The following RBMS3 variants were observed in gnomAD, a reference collection of about 807,000 sequenced individuals.
RBMS3 encodes RNA-binding motif, single-stranded-interacting protein 3.
Under a neutral mutation model 66.8 loss-of-function variants are expected in RBMS3, and 27 were observed. That is an observed-to-expected ratio of 0.40 (90% CI 0.30 to 0.56). RBMS3 has a LOEUF of 0.56. Among genes scored for constraint, RBMS3 ranks in the 20% least tolerant of loss-of-function variants. RBMS3 has a pLI of 0.40. For missense variants in RBMS3, 513 were observed against 549.5 expected, an observed-to-expected ratio of 0.93 and a Z score of 0.66; for synonymous variants, 188 against 183.0, an observed-to-expected ratio of 1.03 and a Z score of -0.22.
chr3:29,601,076 T>A (rs564049710), intron 4 of RBMS3, among the ~76,000 whole-genome samples: 3 of 152,004 alleles, frequency 2.0e-5, no homozygotes, highest in Admixed American at 1.3e-4. Context: ...ATCAGCCTCT[T>A]TAATTAGGTA....
At chr3:29,798,938 T>A (rs1388464383) in intron 6 of RBMS3, among the ~76,000 whole-genome samples, 1 of 151,650 alleles carries the variant, frequency 6.6e-6, no homozygotes, top group African/African-American at 2.4e-5. Flanking sequence ...GGTTTTTTTT[T>A]TTTTTTTTTT....
Position 29,507,938 on chromosome 3 carries a change from T to G in RBMS3, c.307+19439T>G, listed in dbSNP as rs985096453. Among the ~76,000 whole-genome samples the G allele has an allele frequency of 2.1e-4, 32 of 152,114 alleles. 1 individual carries two copies. The highest frequency in any genetic ancestry group is 1.5e-5 in the Non-Finnish European group (1 of 68,000). Reference sequence around the variant, plus strand: ...AACAACAATAATGACTAAAGTAGTATTAGCACAATTTAGCAATACTGAGAT... The same window carrying G: ...AACAACAATAATGACTAAAGTAGTAGTAGCACAATTTAGCAATACTGAGAT... On this transcript the variant is annotated intron_variant, in intron 3 of 14. Transcript: ENST00000383767.
chr3:29,917,310 C>A (rs1407674756), intron 10 of RBMS3, among the ~76,000 whole-genome samples: 2 of 152,084 alleles, frequency 1.3e-5, no homozygotes, highest in African/African-American at 4.8e-5. Flanking sequence ...TTTTCAACAT[C>A]TTTTCTTCCC....
intron 12 of RBMS3, among the ~76,000 whole-genome samples, chr3:29,953,896 C>T (rs897724219): frequency 6.6e-6 from 1 of 151,828 alleles, no homozygotes; most frequent in Non-Finnish European, 1.5e-5. Context: ...ATCCGATCTT[C>T]AAATGTTTGT....
chr3:29,783,880 G>A (rs564028844), intron 6 of RBMS3, among the ~76,000 whole-genome samples: 1 of 152,092 alleles, frequency 6.6e-6, no homozygotes, highest in Non-Finnish European at 1.5e-5. Context: ...GACACCAAAA[G>A]TGAGCAGGAG....
At position 30,005,807 on chromosome 3, in the gene RBMS3, G is replaced by A. The variant is rs1173995337; in HGVS notation, c.*1945G>A. Reference sequence around the variant, plus strand: ...TGAGAATTCTATTGGTGGAATTTAGGGAAGTCCTTAAAATGCTAGTTGACA... The same window carrying A: ...TGAGAATTCTATTGGTGGAATTTAGAGAAGTCCTTAAAATGCTAGTTGACA... On this transcript the variant is annotated 3_prime_UTR_variant, in exon 15 of 15. Coordinates refer to ENST00000383767, the MANE Select transcript of RBMS3 (RefSeq NM_001003793.3). 2 of 151,746 alleles carry A rather than the reference G, an allele frequency of 1.3e-5. No individual in the cohort carries two copies. The highest frequency in any genetic ancestry group is 4.8e-5 in the African/African-American group (2 of 41,360). 9.4% of individuals were successfully genotyped at this position (151,746 alleles called of 1,614,324 possible). A position where few individuals can be genotyped will look rare whatever the true frequency, so the allele number is the denominator to read the frequency against.
Position 29,682,953 on chromosome 3 carries a change from T to A in RBMS3, c.400-56767T>A, listed in dbSNP as rs79356853. 4.3e-3 allele frequency among the ~76,000 whole-genome samples: 660 copies of A among 152,328 alleles called. 15 individuals are homozygous for A. Among genetic ancestry groups the A allele is most frequent in the Admixed American group, 0.036 (552 of 15,294 alleles). On this transcript the variant is annotated intron_variant, in intron 4 of 14. Transcript: ENST00000383767. Reference sequence around the variant, plus strand: ...CCTATGCAAAGTGTACAATTCTAAGTGTTTAAGTATTTGGATCACTGTTAC... The same window carrying A: ...CCTATGCAAAGTGTACAATTCTAAGAGTTTAAGTATTTGGATCACTGTTAC...
At chr3:29,943,338 G>A (rs1050846725) in intron 11 of RBMS3, among the ~76,000 whole-genome samples, 5 of 151,786 alleles carry the variant, frequency 3.3e-5, no homozygotes, top group African/African-American at 1.2e-4. Flanking sequence ...AGGGGAGTGG[G>A]GACAAAATTA....
Position 30,009,612 on chromosome 3 carries a change from A to G in RBMS3, c.*5750A>G, listed in dbSNP as rs1356169606. 1 of 152,184 alleles carries G rather than the reference A, an allele frequency of 6.6e-6. No individual in the cohort carries two copies. The highest frequency in any genetic ancestry group is 2.4e-5 in the African/African-American group (1 of 41,462). 9.4% of individuals were successfully genotyped at this position (152,184 alleles called of 1,614,324 possible). On this transcript the variant is annotated 3_prime_UTR_variant, in exon 15 of 15. Coordinates refer to ENST00000383767, the MANE Select transcript of RBMS3 (RefSeq NM_001003793.3). Reference sequence around the variant, plus strand: ...AGCACGGATCAACACGACTTCTGCAATGAGAGTATAACGGTAGCTCTTGGT... The same window carrying G: ...AGCACGGATCAACACGACTTCTGCAGTGAGAGTATAACGGTAGCTCTTGGT...
chr3:29,932,619 T>C (rs75517296), intron 10 of RBMS3, among the ~76,000 whole-genome samples: 4,699 of 152,306 alleles, frequency 0.031, 137 homozygotes, highest in Admixed American at 0.094. Context: ...GGGATTAATA[T>C]AGGTGCTAAA....
chr3:29,702,735 G>A (rs920527310), intron 4 of RBMS3, among the ~76,000 whole-genome samples: 4 of 151,998 alleles, frequency 2.6e-5, no homozygotes, highest in East Asian at 1.9e-4. Context: ...AACACTCACC[G>A]TGAAGGTCTG....
At chr3:29,673,945 A>G (rs1449608014) in intron 4 of RBMS3, among the ~76,000 whole-genome samples, 1 of 152,170 alleles carries the variant, frequency 6.6e-6, no homozygotes, top group Non-Finnish European at 1.5e-5. Context: ...GCAGAGATAC[A>G]ACAAAAAAAG....
chr3:29,903,476 T>A (rs2060303487), intron 10 of RBMS3, among the ~76,000 whole-genome samples: 1 of 152,020 alleles, frequency 6.6e-6, no homozygotes, highest in Admixed American at 6.6e-5. Context: ...ACTAACAGAA[T>A]TTTAATAGTT....
chr3:29,585,050 T>C (rs1464362258), intron 3 of RBMS3, among the ~76,000 whole-genome samples: 4 of 152,182 alleles, frequency 2.6e-5, no homozygotes, highest in Non-Finnish European at 5.9e-5. Flanking sequence ...TTTGTTCTTA[T>C]CCATCTCCCA....
intron 4 of RBMS3, chr3:29,698,519 A>G (rs2052381699): frequency 2.0e-6 from 2 of 985,166 alleles, no homozygotes; most frequent in South Asian, 4.7e-5. Context: ...GCCTATTTTT[A>G]TGGATGGTGG....
chr3:29,991,344 A>T, intron 14 of RBMS3, 135 bp downstream of exon 14: 1 of 1,443,944 alleles, frequency 6.9e-7, no homozygotes, highest in Non-Finnish European at 9.2e-7. Flanking sequence ...TTAGCTCATG[A>T]TTATGTGGGT....
intron 3 of RBMS3, among the ~76,000 whole-genome samples, chr3:29,584,676 G>A (rs2047448392): frequency 6.6e-6 from 1 of 152,072 alleles, no homozygotes; most frequent in African/African-American, 2.4e-5. Flanking sequence ...AACAAAACCA[G>A]TGGTAATCCT....
At position 29,502,848 on chromosome 3, in the gene RBMS3, T is replaced by C. The variant is rs533046647; in HGVS notation, c.307+14349T>C. 3.9e-5 allele frequency among the ~76,000 whole-genome samples: 6 copies of C among 152,250 alleles called. No homozygotes were observed. In the East Asian group the frequency reaches 1.2e-3, roughly 29 times the overall value. On this transcript the variant is annotated intron_variant, in intron 3 of 14. Transcript: ENST00000383767. The stretch of plus-strand genomic sequence containing the variant: ...AAGACAAGGTGCAGCTGATACTTTC[T>C]CTTACTCTCAGGACTCAGAATGAGC...
chr3:29,582,856 C>A (rs1015586352), intron 3 of RBMS3, among the ~76,000 whole-genome samples: 5 of 152,042 alleles, frequency 3.3e-5, no homozygotes, highest in African/African-American at 1.2e-4. Context: ...CTCAGTAATG[C>A]AATGTTTATT....
Sources: allele counts gnomAD v4.1 joint callset (sites outside exome capture counted in the v4.1 genomes callset), GRCh38; gene constraint gnomAD v4.1.1; transcripts MANE v1.5; gene names NCBI Gene and HGNC (gene_info 2026-07-23, HGNC 2026-07-21).